PLEKHG5: variants seen among roughly 807,000 people sequenced by gnomAD.
The protein encoded by PLEKHG5 is pleckstrin homology domain-containing family G member 5.
A neutral mutation model predicts 103.8 loss-of-function variants in PLEKHG5; 52 were observed. The ratio of observed to expected loss-of-function variants is 0.50; its 90% CI spans 0.40 to 0.63. PLEKHG5 has a LOEUF of 0.63. Among genes scored for constraint, PLEKHG5 ranks in the 30% least tolerant of loss-of-function variants. The probability of loss-of-function intolerance (pLI) is 0.00; values close to 1 mark genes in which losing one functional copy is unlikely to be tolerated. For synonymous variants in PLEKHG5, 592 were observed against 575.5 expected (o/e 1.03, Z -0.41); for missense variants, 1,205 against 1,347.6 (o/e 0.89, Z 1.66).
rs572977007 is a variant in PLEKHG5, at chr1:6,518,110, T to G, written c.-165+1335A>C. The stretch of plus-strand genomic sequence containing the variant: ...ACCACGCCCAGCTGATTTTTTGTAT[T>G]TTTAGTAGAGACGGGGTTTCACCAT... On this transcript the variant is annotated intron_variant, in intron 1 of 21. Coordinates refer to the PLEKHG5 transcript ENST00000377740. Among the ~76,000 whole-genome samples, 4 of 151,904 alleles carry G rather than the reference T, an allele frequency of 2.6e-5. No homozygotes were observed. In the South Asian group the frequency reaches 8.3e-4, roughly 32 times the overall value.
chr1:6,469,164 A>T lies in PLEKHG5; in HGVS notation c.2127T>A (p.Asp709Glu), dbSNP rs910994587. The T allele has an allele frequency of 2.5e-6, 4 of 1,611,864 alleles. No homozygotes were observed. Among genetic ancestry groups the T allele is most frequent in the Non-Finnish European group, 2.5e-6 (3 of 1,179,284 alleles). ...CCTCCTCCTCTTCCTCCTCCTGCTC[A>T]TCCTCCTCCTCTTCCAGGCTCTGCA... ...QPLQSLEEEE[D>E]EQEEEEEEEE... Residue 709 changes from aspartate to glutamate, a missense_variant, in exon 19 of 21, where the codon GAT becomes GAA. Transcript: ENST00000377728.
At chr1:6,519,549 C>T (rs755878314) in exon 1 of PLEKHG5, 2 of 1,504,634 alleles carry the variant, frequency 1.3e-6, no homozygotes, top group African/African-American at 1.4e-5. Context: ...GCCTGGACCT[C>T]CAGCCACATG....
intron 6 of PLEKHG5, 82 bp downstream of exon 6, chr1:6,474,369 G>A: frequency 1.3e-6 from 2 of 1,550,642 alleles, no homozygotes; most frequent in Non-Finnish European, 1.8e-6. Flanking sequence ...CGACCAATGG[G>A]AACCTGAGCC....
Position 6,467,439 on chromosome 1 carries a change from G to A in PLEKHG5, c.*124C>T, listed in dbSNP as rs766348219. 1 of 1,024,338 alleles carries A rather than the reference G, an allele frequency of 9.8e-7. No individual in the cohort carries two copies. The highest frequency in any genetic ancestry group is 1.3e-5 in the South Asian group (1 of 79,444). The allele number at this position is 1,024,338 out of a possible 1,614,324, so 63.5% of individuals were successfully genotyped here. On this transcript the variant is annotated 3_prime_UTR_variant, in exon 21 of 21. Transcript: ENST00000377728. ...CAAATCGGGCCCGGGCGTAGGCAGG[G>A]ATCCTGCCCAGCATCCGGCTCATGC...
chr1:6,472,734 C>T, intron 9 of PLEKHG5, 112 bp from the exon 10 acceptor site: 1 of 830,836 alleles, frequency 1.2e-6, no homozygotes. Flanking sequence ...ACATGGAGGT[C>T]CCAAGAGGAG....
rs17438786 is a variant in PLEKHG5 at position 6,519,461 on chromosome 1, G to A, written c.-181C>T. On this transcript the variant is annotated 5_prime_UTR_variant, in exon 1 of 22. Transcript: ENST00000377740. The stretch of plus-strand genomic sequence containing the variant: ...CATACTCACCGGTTCCTGAACAAAG[G>A]CTGAGCCAGCTTCGAGGTGGAGACC... The A allele has an allele frequency of 2.5e-6, 4 of 1,613,356 alleles. No homozygotes were observed. The South Asian group carries it at 3.3e-5, about 13-fold the overall frequency.
At chr1:6,497,340 C>G, upstream of PLEKHG5, 1 of 1,032,214 alleles carries the variant, frequency 9.7e-7, no homozygotes, top group Non-Finnish European at 1.2e-6. The surrounding 1 kb of genome is among the most constrained non-coding windows in gnomAD (Gnocchi z 6.1). Context: ...GGCCCCGTGC[C>G]GCGCGGGGGG....
chr1:6,474,002 C>T lies in PLEKHG5; in HGVS notation c.591+11G>A, dbSNP rs1272631574. ...CCCACCCCCTCCCCTGACACACCCC[C>T]TCCTCCTCACCAAGATGTCCAGGCT... is the stretch of plus-strand genomic sequence containing the variant. On this transcript the variant is annotated intron_variant, in intron 7 of 20. Transcript: ENST00000377728. 5 of 1,586,988 alleles carry T rather than the reference C, an allele frequency of 3.2e-6. No homozygotes were observed.
chr1:6,475,535 G>T lies in PLEKHG5; in HGVS notation c.150-13C>A. ...GCTCTTCCGGTCCCTGCAGGGAAGC[G>T]AGGAGGGCAGAGGCTGGAGGTGTGG... On this transcript the variant is annotated splice_polypyrimidine_tract_variant and intron_variant, in intron 3 of 20. Coordinates refer to ENST00000377728, the MANE Select transcript of PLEKHG5 (RefSeq NM_020631.6). 6.2e-7 allele frequency: 1 copy of T among 1,611,592 alleles called. No individual in the cohort carries two copies.
At chr1:6,519,763 G>T (rs976867459) in exon 1 of PLEKHG5, 3 of 590,208 alleles carry the variant, frequency 5.1e-6, no homozygotes, top group Non-Finnish European at 9.1e-6. Flanking sequence ...CTGTATATTT[G>T]AAGGCACAGA....
chr1:6,492,437 A>G (rs572123118), upstream of PLEKHG5, among the ~76,000 whole-genome samples: 10 of 152,174 alleles, frequency 6.6e-5, no homozygotes, highest in Non-Finnish European at 2.9e-5. Flanking sequence ...CCACAATATC[A>G]TTAGTCTGCC....
At chr1:6,485,279 G>C (rs1349207093) in intron 1 of PLEKHG5, 3 of 1,261,704 alleles carry the variant, frequency 2.4e-6, no homozygotes, top group Non-Finnish European at 1.0e-6. Context: ...CTGCAGGCGA[G>C]AACTGGGCAC....
At chr1:6,473,530 G>T in intron 7 of PLEKHG5, 76 bp from the exon 8 acceptor site, 1 of 1,209,182 alleles carries the variant, frequency 8.3e-7, no homozygotes, top group Non-Finnish European at 1.1e-6. Flanking sequence ...GGTTTCCAGG[G>T]CCTCAGGCCA....
intron 2 of PLEKHG5, among the ~76,000 whole-genome samples, chr1:6,476,503 C>T (rs549617366): frequency 1.7e-4 from 26 of 152,246 alleles, no homozygotes; most frequent in African/African-American, 6.3e-4. Context: ...TTAGTCATTG[C>T]TGTCTATCCC....
chr1:6,467,993 T>G lies in PLEKHG5; in HGVS notation c.2843A>C (p.Glu948Ala), dbSNP rs1050889710. The G allele has an allele frequency of 6.4e-7, 1 of 1,554,286 alleles. No homozygotes were observed. Among genetic ancestry groups the G allele is most frequent in the Non-Finnish European group, 8.7e-7 (1 of 1,151,380 alleles). Residue 948 changes from glutamate (E) to alanine (A), a missense_variant, in exon 20 of 21, where the codon GAA becomes GCA. Glu to Ala is a moderately radical substitution (Grantham distance 107). Coordinates refer to ENST00000377728, the MANE Select transcript of PLEKHG5 (RefSeq NM_020631.6). ...CCTCTTCCTGTGGGAGCCTGCAGGTTCCCCGGCCAGGCAGCCGACTAGCCC... is the reference window on the plus strand; with the variant it reads ...CCTCTTCCTGTGGGAGCCTGCAGGTGCCCCGGCCAGGCAGCCGACTAGCCC... ...GPGLVGCLAG[E>A]PAGSHRKRCG...
chr1:6,477,511 G>C lies in PLEKHG5; in HGVS notation c.43+18C>G, dbSNP rs772852234. 6.2e-7 allele frequency: 1 copy of C among 1,600,898 alleles called. No homozygotes were observed. On this transcript the variant is annotated intron_variant, in intron 2 of 20. Transcript: ENST00000377728. The stretch of plus-strand genomic sequence containing the variant: ...CAGGAGCTCTGGGGGCCGAGCTGCG[G>C]CTCCCGCCTGTGCTCACCTTGTGGG...
At position 6,473,344 on chromosome 1, in the gene PLEKHG5, G is replaced by A. The variant is rs904191245; in HGVS notation, c.702C>T (p.Gly234=). Residue 234 remains glycine, a synonymous_variant, in exon 8 of 21, where the codon GGC becomes GGT. Transcript: ENST00000377728. The stretch of plus-strand genomic sequence containing the variant: ...TCCAGCTGTCGCCAGTGTTGGTGCT[G>A]CCACTGCTGCCGCTGGGCAGAGAGC... ...SSCSLPSGSS[G]STNTGDSWKN... The A allele has an allele frequency of 3.9e-6, 6 of 1,553,542 alleles. No individual in the cohort carries two copies. The highest frequency in any genetic ancestry group is 4.4e-6 in the Non-Finnish European group (5 of 1,149,260).
chr1:6,473,083 T>C lies in PLEKHG5; in HGVS notation c.887A>G (p.His296Arg). The C allele has an allele frequency of 1.2e-6, 2 of 1,613,936 alleles. No homozygotes were observed. Among genetic ancestry groups the C allele is most frequent in the Non-Finnish European group, 1.7e-6 (2 of 1,179,908 alleles). The stretch of plus-strand genomic sequence containing the variant: ...ATCGTACTCCTCCTCCCAGGAGTCA[T>C]GGTCGAAGCGCAGCCCCCGGGGCAG... Reference protein sequence around the residue: ...PRLPRGLRFDHDSWEEEYDED... With the variant: ...PRLPRGLRFDRDSWEEEYDED... The change falls in exon 9 of 21, where the codon CAT becomes CGT. Residue 296 changes from histidine to arginine, a missense_variant. Transcript: ENST00000377728.
At chr1:6,484,779 G>T (rs1569935592) in intron 1 of PLEKHG5, among the ~76,000 whole-genome samples, 2 of 152,134 alleles carry the variant, frequency 1.3e-5, no homozygotes, top group African/African-American at 4.8e-5. Flanking sequence ...ATGTTCCCAG[G>T]TCTCAACCCA....
Sources: gnomAD v4.1 joint callset for allele counts (sites outside exome capture counted in the v4.1 genomes callset) on GRCh38, gnomAD v4.1.1 for gene constraint, Gnocchi (gnomAD v3.1) non-coding constraint, MANE v1.5 for transcripts, NCBI Gene and HGNC (gene_info 2026-07-23, HGNC 2026-07-21) for gene names.